COL4A3: variants seen among roughly 807,000 people sequenced by gnomAD.
COL4A3 encodes collagen type IV alpha 3 chain.
In COL4A3, 135 loss-of-function variants were observed where a neutral mutation model predicts 217.4. The ratio of observed to expected loss-of-function variants is 0.62; its 90% CI spans 0.54 to 0.72. The LOEUF (loss-of-function observed/expected upper bound fraction) is 0.72, where lower values mean the gene tolerates loss of function less well. COL4A3 is among the 30% of genes least tolerant of loss of function. The pLI, the probability that COL4A3 is intolerant of heterozygous loss-of-function variation, is 0.00. For synonymous variants in COL4A3, 690 were observed against 736.3 expected (o/e 0.94, Z 1.02); for missense variants, 1,868 against 2,119.9 (o/e 0.88, Z 2.33).
At chr2:227,188,172 A>G (rs985170560) in intron 1 of COL4A3, among the ~76,000 whole-genome samples, 7 of 152,144 alleles carry the variant, frequency 4.6e-5, no homozygotes, top group Non-Finnish European at 8.8e-5. Context: ...CAAATCTAGC[A>G]ACTCTTCTTT....
intron 30 of COL4A3, 36 bp from the exon 31 acceptor site, chr2:227,280,857 T>A: frequency 2.1e-6 from 3 of 1,430,856 alleles, no homozygotes; most frequent in Non-Finnish European, 2.9e-6. Flanking sequence ...CCTTAAGTTC[T>A]AGCACCTGGG....
At chr2:227,173,325 A>G (rs2065558510) in intron 1 of COL4A3, among the ~76,000 whole-genome samples, 1 of 152,206 alleles carries the variant, frequency 6.6e-6, no homozygotes, top group Non-Finnish European at 1.5e-5. Flanking sequence ...AGGATTAGAC[A>G]GAAGCTTCAC....
At chr2:227,232,946 T>C (rs1242942513) in intron 1 of COL4A3, among the ~76,000 whole-genome samples, 13 of 152,180 alleles carry the variant, frequency 8.5e-5, no homozygotes, top group African/African-American at 2.9e-4. Context: ...AAAATATGGA[T>C]TAATATCCAG....
At chr2:227,240,068 A>T in intron 2 of COL4A3, 75 bp from the exon 3 acceptor site, 1 of 1,198,548 alleles carries the variant, frequency 8.3e-7, no homozygotes, top group Non-Finnish European at 1.2e-6. Context: ...ACAAGAGAAC[A>T]TAATGGTTAT....
At chr2:227,210,807 G>A (rs995977566) in intron 1 of COL4A3, among the ~76,000 whole-genome samples, 10 of 151,928 alleles carry the variant, frequency 6.6e-5, no homozygotes, top group South Asian at 2.1e-4. Context: ...TTTCTTTGCC[G>A]TGTCTCCCCA....
At position 227,164,711 on chromosome 2, in the gene COL4A3, T is replaced by C. The variant is rs886055736; in HGVS notation, c.-16T>C. ...AGGGTCCCCGGACTCGCCCAGGCTC[T>C]GAGCGCGCGCCCACCATGAGCGCCC... On this transcript the variant is annotated 5_prime_UTR_variant, in exon 1 of 52. Transcript: ENST00000396578. The surrounding 1 kb of genome is among the most constrained non-coding windows in gnomAD (Gnocchi z 4.8). 7.8e-6 allele frequency: 12 copies of C among 1,530,538 alleles called. No homozygotes were observed. Among genetic ancestry groups the C allele is most frequent in the Middle Eastern group, 4.6e-4 (2 of 4,344 alleles). 94.8% of individuals were successfully genotyped at this position (1,530,538 alleles called of 1,614,324 possible). A position where few individuals can be genotyped will look rare whatever the true frequency, so the allele number is the denominator to read the frequency against.
intron 25 of COL4A3, among the ~76,000 whole-genome samples, chr2:227,271,697 C>T (rs2071253849): frequency 6.6e-6 from 1 of 152,092 alleles, no homozygotes; most frequent in Admixed American, 6.6e-5. Flanking sequence ...GTCTCGAACT[C>T]CTGACCTCAG....
intron 1 of COL4A3, among the ~76,000 whole-genome samples, chr2:227,220,671 G>T (rs989357580): frequency 6.6e-6 from 1 of 151,496 alleles, no homozygotes; most frequent in African/African-American, 2.4e-5. Flanking sequence ...TCACTATGTT[G>T]CATAGGCTGG....
At chr2:227,177,860 TGCTTGTGTTCAAATA>T (rs976893149) in intron 1 of COL4A3, among the ~76,000 whole-genome samples, 2 of 152,152 alleles carry the variant, frequency 1.3e-5, no homozygotes, top group African/African-American at 4.8e-5. Flanking sequence ...AGTATCGCAA[TGCTTGTGTTCAAATA>T]GCTCTTACTT....
Position 227,253,435 on chromosome 2 carries a change from G to A in COL4A3, c.687+98G>A, listed in dbSNP as rs760483762. 2.1e-6 allele frequency: 3 copies of A among 1,443,852 alleles called. No individual in the cohort carries two copies. The highest frequency in any genetic ancestry group is 2.9e-6 in the Non-Finnish European group (3 of 1,024,652). 89.4% of individuals were successfully genotyped at this position (1,443,852 alleles called of 1,614,324 possible). On this transcript the variant is annotated intron_variant, in intron 12 of 51. Coordinates refer to ENST00000396578, the MANE Select transcript of COL4A3 (RefSeq NM_000091.5). The surrounding 1 kb of genome is among the most constrained non-coding windows in gnomAD (Gnocchi z 4.4). The stretch of plus-strand genomic sequence containing the variant: ...ACTTACGGGCCAAGCTGAAATTGAT[G>A]GGCCTTCATTTGTTCTATCTTCCCG...
chr2:227,283,794 G>A lies in COL4A3; in HGVS notation c.2684G>A (p.Gly895Asp), dbSNP rs1553760558. Residue 895 changes from glycine (G) to aspartate (D), a missense_variant, in exon 33 of 52, where the codon GGC (glycine) becomes GAC (aspartate). Coordinates refer to ENST00000396578, the MANE Select transcript of COL4A3 (RefSeq NM_000091.5). ...PGEDGVIGMMGFPGAIGPPGP... is the reference protein window; with the variant it reads ...PGEDGVIGMMDFPGAIGPPGP... Reference sequence around the variant, plus strand: ...GAAGATGGAGTGATTGGGATGATGGGCTTTCCTGGAGCCATTGGCCCTCCA... The same window carrying A: ...GAAGATGGAGTGATTGGGATGATGGACTTTCCTGGAGCCATTGGCCCTCCA... The A allele has an allele frequency of 6.2e-7, 1 of 1,614,172 alleles. No individual in the cohort carries two copies. The highest frequency in any genetic ancestry group is 8.5e-7 in the Non-Finnish European group (1 of 1,180,004).
chr2:227,171,679 T>C (rs752241372), intron 1 of COL4A3, among the ~76,000 whole-genome samples: 1 of 152,094 alleles, frequency 6.6e-6, no homozygotes, highest in African/African-American at 2.4e-5. Flanking sequence ...GGTGAATCCG[T>C]GTGGGTCTGC....
At chr2:227,239,813 T>G (rs2068913674) in intron 2 of COL4A3, among the ~76,000 whole-genome samples, 1 of 152,198 alleles carries the variant, frequency 6.6e-6, no homozygotes, top group South Asian at 2.1e-4. Flanking sequence ...CCACTAACCT[T>G]GATGCTTCTA....
At chr2:227,176,038 T>C (rs184211784) in intron 1 of COL4A3, among the ~76,000 whole-genome samples, 1 of 143,012 alleles carries the variant, frequency 7.0e-6, no homozygotes, top group Admixed American at 7.2e-5. Context: ...TTATCCCACC[T>C]GACACAGGAC....
At chr2:227,275,817 A>G (rs1375042198) in intron 26 of COL4A3, among the ~76,000 whole-genome samples, 1 of 152,182 alleles carries the variant, frequency 6.6e-6, no homozygotes, top group Non-Finnish European at 1.5e-5. Flanking sequence ...TGTGGAAACT[A>G]GCCACCCAAT....
At chr2:227,298,628 A>G in intron 42 of COL4A3, 54 bp from the exon 43 acceptor site, 3 of 1,610,442 alleles carry the variant, frequency 1.9e-6, no homozygotes, top group Non-Finnish European at 2.5e-6. Context: ...ACTGATAAAT[A>G]GAACCTTCCA....
At chr2:227,279,600 G>C (rs2071814963) in intron 28 of COL4A3, 193 bp from the exon 29 acceptor site, 2 of 569,330 alleles carry the variant, frequency 3.5e-6, no homozygotes, top group Non-Finnish European at 6.2e-6. Flanking sequence ...AATAGAGAAA[G>C]TTATTTTTTC....
intron 27 of COL4A3, among the ~76,000 whole-genome samples, chr2:227,277,004 C>A (rs920300367): frequency 6.6e-6 from 1 of 152,044 alleles, no homozygotes; most frequent in South Asian, 2.1e-4. Context: ...GGAGGGGGAG[C>A]ATATGATTGG....
intron 1 of COL4A3, among the ~76,000 whole-genome samples, chr2:227,232,703 C>T (rs1559849868): frequency 6.6e-6 from 1 of 152,010 alleles, no homozygotes; most frequent in Non-Finnish European, 1.5e-5. Context: ...ATCTTTTGCC[C>T]ATTTTTTGAC....
Sources: allele counts gnomAD v4.1 joint callset (sites outside exome capture counted in the v4.1 genomes callset), GRCh38; gene constraint gnomAD v4.1.1; non-coding constraint Gnocchi (gnomAD v3.1); transcripts MANE v1.5; gene names NCBI Gene and HGNC (gene_info 2026-07-23, HGNC 2026-07-21).